The following BSCL2 variants were observed in gnomAD, a reference collection of about 807,000 sequenced individuals.
The protein encoded by BSCL2 is seipin.
In BSCL2, 41 loss-of-function variants were observed where a neutral mutation model predicts 57.4. That is an observed-to-expected ratio of 0.71 (90% CI 0.56 to 0.93). BSCL2 has a LOEUF of 0.93. Among genes scored for constraint, BSCL2 ranks in the 40% least tolerant of loss-of-function variants. BSCL2 has a pLI of 0.00. For missense variants in BSCL2, 539 were observed against 586.7 expected, an observed-to-expected ratio of 0.92 and a Z score of 0.84; for synonymous variants, 237 against 227.3, an observed-to-expected ratio of 1.04 and a Z score of -0.38.
rs1004545791 is a variant in BSCL2 at position 62,690,470 on chromosome 11, G to C, written c.1286C>G (p.Ala429Gly). 6.2e-7 allele frequency: 1 copy of C among 1,614,074 alleles called. No individual in the cohort carries two copies. Among genetic ancestry groups the C allele is most frequent in the Non-Finnish European group, 8.5e-7 (1 of 1,180,048 alleles). The part of the protein sequence containing the change: ...AALLTEANLP[A>G]PAPASASAPV... ...GGCAGAAGCAGAAGCAGGAGCAGGA[G>C]CAGGCAGGTTGGCCTCCGTCAGCAA... is the stretch of plus-strand genomic sequence containing the variant. The change falls in exon 11 of 11, where the codon GCT becomes GGT. Residue 429 changes from alanine (A) to glycine (G), a missense_variant. By Grantham distance (60) the Ala-to-Gly change is moderately conservative. This residue lies in a region of BSCL2 where 248 missense variants were observed against 239.9 expected (regional missense o/e 1.03). Coordinates refer to ENST00000360796, the MANE Select transcript of BSCL2 (RefSeq NM_001122955.4).
intron 3 of BSCL2, 30 bp from the exon 4 acceptor site, chr11:62,694,741 A>C: frequency 6.2e-7 from 1 of 1,610,426 alleles, no homozygotes; most frequent in South Asian, 1.1e-5. Flanking sequence ...TTTCTTTAAA[A>C]AAATTTTTTT....
At position 62,691,380 on chromosome 11, in the gene BSCL2, C is replaced by T. The variant is rs1181403099; in HGVS notation, c.905G>A (p.Gly302Asp). 1 of 1,614,132 alleles carries T rather than the reference C, an allele frequency of 6.2e-7. No homozygotes were observed. Among genetic ancestry groups the T allele is most frequent in the South Asian group, 1.1e-5 (1 of 91,086 alleles). The change falls in exon 7 of 11, where the codon GGT (glycine) becomes GAT (aspartate). Residue 302 changes from glycine to aspartate, a missense_variant. Gly to Asp is a moderately conservative substitution (Grantham distance 94, BLOSUM62 -1). Transcript: ENST00000360796. ...GAGGAAGGTGAAGTTGCTGGCAACACCTATGAAGGCGCAGGTCATCGGGAA... is the reference window on the plus strand; with the variant it reads ...GAGGAAGGTGAAGTTGCTGGCAACATCTATGAAGGCGCAGGTCATCGGGAA... Reference protein sequence around the residue: ...YNFPMTCAFIGVASNFTFLSV... With the variant: ...YNFPMTCAFIDVASNFTFLSV...
At chr11:62,709,346 G>A (rs957875875), upstream of BSCL2, 1 of 454,060 alleles carries the variant, frequency 2.2e-6, no homozygotes, top group Non-Finnish European at 4.4e-6. Context: ...GGGCGCGAGA[G>A]AGCGTCCACA....
chr11:62,702,572 A>G (rs747313556), intron 2 of BSCL2, 23 bp from the exon 3 acceptor site: 3 of 1,596,970 alleles, frequency 1.9e-6, no homozygotes, highest in Non-Finnish European at 2.6e-6. Flanking sequence ...GGAGGAGGAT[A>G]CTCTGCTAAG....
At chr11:62,698,543 T>C (rs960341426) in intron 3 of BSCL2, among the ~76,000 whole-genome samples, 3 of 152,212 alleles carry the variant, frequency 2.0e-5, no homozygotes, top group South Asian at 4.1e-4. Flanking sequence ...TGCAAACATA[T>C]GCAATGTATA....
intron 3 of BSCL2, among the ~76,000 whole-genome samples, chr11:62,698,662 GTTCA>G (rs1227168728): frequency 6.6e-6 from 1 of 152,184 alleles, no homozygotes; most frequent in Non-Finnish European, 1.5e-5. Flanking sequence ...ATTTAAAAAT[GTTCA>G]TTGTCAACAA....
chr11:62,706,125 G>C (rs1266129160), intron 1 of BSCL2: 19 of 797,672 alleles, frequency 2.4e-5, no homozygotes, highest in African/African-American at 3.8e-5. Flanking sequence ...CACGCCCGGC[G>C]GAGCGCCCTG....
chr11:62,690,748 A>G, intron 9 of BSCL2, 39 bp downstream of exon 9: 2 of 1,613,760 alleles, frequency 1.2e-6, no homozygotes, highest in Non-Finnish European at 1.7e-6. Flanking sequence ...GAGAAAGCCA[A>G]GGAGTCAGGA....
chr11:62,691,842 A>G (rs1242622139), intron 6 of BSCL2, among the ~76,000 whole-genome samples: 1 of 152,124 alleles, frequency 6.6e-6, no homozygotes, highest in Non-Finnish European at 1.5e-5. Flanking sequence ...CAAGGTCAGG[A>G]GATTGAGACC....
intron 1 of BSCL2, chr11:62,706,821 G>A (rs1221862516): frequency 1.0e-5 from 6 of 585,194 alleles, no homozygotes; most frequent in Non-Finnish European, 1.9e-5. Flanking sequence ...TAGCATTGTG[G>A]ACCTCCTCTG....
In BSCL2 at chr11:62,707,319, G is replaced by A. The variant is rs969289612; in HGVS notation, c.-124C>T. Reference sequence around the variant, plus strand: ...CATTTTCCTGGATATGGAAAATGGAGGGTCCCTGGGAGAGAAACGAAGATT... The same window carrying A: ...CATTTTCCTGGATATGGAAAATGGAAGGTCCCTGGGAGAGAAACGAAGATT... On this transcript the variant is annotated 5_prime_UTR_variant, in exon 1 of 11. Transcript: ENST00000360796. 3.4e-6 allele frequency: 3 copies of A among 881,226 alleles called. No individual in the cohort carries two copies. The highest frequency in any genetic ancestry group is 1.8e-6 in the Non-Finnish European group (1 of 540,708). The allele number at this position is 881,226 out of a possible 1,614,324, so 54.6% of individuals were successfully genotyped here.
intron 3 of BSCL2, among the ~76,000 whole-genome samples, chr11:62,697,043 A>C (rs933594844): frequency 1.3e-5 from 2 of 152,062 alleles, no homozygotes; most frequent in Non-Finnish European, 2.9e-5. Flanking sequence ...AATTCAAAAA[A>C]AAAAAAATTA....
upstream of BSCL2, chr11:62,708,702 A>T (rs759003956): frequency 6.2e-7 from 1 of 1,613,712 alleles, no homozygotes; most frequent in South Asian, 1.1e-5. Flanking sequence ...AGCAGACCTG[A>T]TGACTTACTG....
intron 3 of BSCL2, among the ~76,000 whole-genome samples, chr11:62,698,756 A>G (rs950870673): frequency 1.3e-5 from 2 of 152,100 alleles, no homozygotes; most frequent in African/African-American, 4.8e-5. Context: ...TCCCTCCCTC[A>G]TGTGACAGCC....
Position 62,702,545 on chromosome 11 carries a change from C to T in BSCL2, c.409G>A (p.Asp137Asn), listed in dbSNP as rs879253900. The change falls in exon 3 of 11, where the codon GAC (aspartate) becomes AAC (asparagine). Residue 137 changes from aspartate (D) to asparagine (N), a missense_variant. Asp to Asn is a conservative substitution (Grantham distance 23, BLOSUM62 1). Coordinates refer to ENST00000360796, the MANE Select transcript of BSCL2 (RefSeq NM_001122955.4). ...LSPVHFYYRT[D>N]CDSSTTSLCS... ...AGTGAGGTGGTGGAGGAATCACAGT[C>T]GGTCCTAAATGAGATTGGAGGAGGA... 13 of 1,610,936 alleles carry T rather than the reference C, an allele frequency of 8.1e-6. No individual in the cohort carries two copies. The highest frequency in any genetic ancestry group is 1.7e-4 in the Middle Eastern group (1 of 6,052).
chr11:62,705,520 A>C lies in BSCL2; in HGVS notation c.185T>G (p.Leu62Arg). ...RPEPGARHPA[L>R]PAMVNDPPVP... is the part of the protein sequence containing the mutation. ...TGGAGGGTCGTTGACCATGGCCGGG[A>C]GAGCAGGGTGTCTGGCCCCAGGTTC... The change falls in exon 2 of 11, where the codon CTC (leucine) becomes CGC (arginine). Residue 62 changes from leucine to arginine, a missense_variant. Coordinates refer to ENST00000360796, the MANE Select transcript of BSCL2 (RefSeq NM_001122955.4). 1 of 1,613,522 alleles carries C rather than the reference A, an allele frequency of 6.2e-7. No homozygotes were observed. Among genetic ancestry groups the C allele is most frequent in the Non-Finnish European group, 8.5e-7 (1 of 1,179,556 alleles).
In BSCL2 at chr11:62,707,369, T is replaced by C; in HGVS notation, c.-174A>G. 1.4e-6 allele frequency: 1 copy of C among 723,326 alleles called. No individual in the cohort carries two copies. The highest frequency in any genetic ancestry group is 2.7e-5 in the East Asian group (1 of 37,330). The allele number at this position is 723,326 out of a possible 1,614,324, so 44.8% of individuals were successfully genotyped here. A position where few individuals can be genotyped will look rare whatever the true frequency, so the allele number is the denominator to read the frequency against. Reference sequence around the variant, plus strand: ...TCAGGTGCTAAGTGCTGTGTCAGAGTAGAGGGAGGAAAGGAGGAGGGGGGC... The same window carrying C: ...TCAGGTGCTAAGTGCTGTGTCAGAGCAGAGGGAGGAAAGGAGGAGGGGGGC... On this transcript the variant is annotated 5_prime_UTR_variant, in exon 1 of 11. Transcript: ENST00000360796.
intron 2 of BSCL2, among the ~76,000 whole-genome samples, chr11:62,704,989 G>A (rs968429834): frequency 6.6e-6 from 1 of 151,974 alleles, no homozygotes; most frequent in Non-Finnish European, 1.5e-5. Context: ...GGTTGAGTTG[G>A]CTCAAAATTC....
At chr11:62,706,627 A>G in intron 1 of BSCL2, 1 of 472,296 alleles carries the variant, frequency 2.1e-6, no homozygotes, top group Non-Finnish European at 4.4e-6. Context: ...ACCACAGGCC[A>G]TTTCACCCGC....
Sources: allele counts gnomAD v4.1 joint callset (sites outside exome capture counted in the v4.1 genomes callset), GRCh38; gene constraint gnomAD v4.1.1; regional missense constraint gnomAD v4.1.1; transcripts MANE v1.5; gene names NCBI Gene and HGNC (gene_info 2026-07-23, HGNC 2026-07-21).